MILR1: variants seen among roughly 807,000 people sequenced by gnomAD.
The protein encoded by MILR1 is allergin-1.
MILR1 carries 31 observed loss-of-function variants against 18.5 expected under a neutral mutation model. The observed-to-expected ratio is 1.68, with a 90% CI of 1.26 to 2.26. The LOEUF (loss-of-function observed/expected upper bound fraction) is 2.26. Among genes scored for constraint, MILR1 ranks in the 30% most tolerant of loss-of-function variants. The pLI is 0.00. For missense variants in MILR1, 257 were observed against 157.4 expected (o/e 1.63, Z -3.38); for synonymous variants, 85 against 56.2 (o/e 1.51, Z -2.30).
chr17:64,491,645 T>C, the MILR1 span: 2 of 1,440,708 alleles, frequency 1.4e-6, no homozygotes, highest in South Asian at 1.1e-5. Context: ...TTCAAAGAGG[T>C]TACTACTGGT....
At chr17:64,477,986 T>C in the MILR1 span, 68 of 1,613,600 alleles carry the variant, frequency 4.2e-5, no homozygotes, top group Non-Finnish European at 5.5e-5. Flanking sequence ...CATTTCATCA[T>C]ACCTAAGAAA....
At chr17:64,452,528 C>G (rs2037197452) in intron 2 of MILR1, 69 bp from the exon 3 acceptor site, 4 of 411,744 alleles carry the variant, frequency 9.7e-6, no homozygotes, top group Non-Finnish European at 1.8e-5. Context: ...GCTGGGATTA[C>G]AGGCGTGAAC....
chr17:64,494,579 C>T, the MILR1 span, among the ~76,000 whole-genome samples: 1 of 151,990 alleles, frequency 6.6e-6, no homozygotes, highest in Non-Finnish European at 1.5e-5. Flanking sequence ...CTACCTCTTC[C>T]CCCCGCCCCC....
intron 3 of MILR1, among the ~76,000 whole-genome samples, chr17:64,453,809 T>C (rs1436875516): frequency 6.6e-6 from 1 of 152,208 alleles, no homozygotes; most frequent in Non-Finnish European, 1.5e-5. Flanking sequence ...ATGTATGTTA[T>C]ACCTGGAGTC....
intron 2 of MILR1, among the ~76,000 whole-genome samples, chr17:64,449,656 C>T (rs1361000731): frequency 5.9e-5 from 9 of 152,056 alleles, no homozygotes; most frequent in African/African-American, 1.7e-4. Context: ...AACACACAGG[C>T]TGGGTGTGGT....
the MILR1 span, chr17:64,496,971 C>G: frequency 1.2e-6 from 2 of 1,603,762 alleles, no homozygotes; most frequent in African/African-American, 2.7e-5. Flanking sequence ...GAGCGCATCT[C>G]TCTCCGAAGT....
intron 7 of MILR1, 30 bp downstream of exon 7, chr17:64,466,528 T>C (rs782750169): frequency 1.1e-5 from 17 of 1,612,656 alleles, no homozygotes; most frequent in Non-Finnish European, 1.4e-5. Flanking sequence ...TCTATTCCAC[T>C]GCCCTCATGC....
At chr17:64,466,539 G>C in intron 7 of MILR1, 41 bp downstream of exon 7, 3 of 1,611,812 alleles carry the variant, frequency 1.9e-6, no homozygotes, top group Non-Finnish European at 2.5e-6. Context: ...GCCCTCATGC[G>C]CTTAGAAATT....
the MILR1 span, among the ~76,000 whole-genome samples, chr17:64,476,342 T>C: frequency 6.6e-6 from 1 of 152,154 alleles, no homozygotes; most frequent in Non-Finnish European, 1.5e-5. Context: ...AAAAGATCCT[T>C]AAATATTTCC....
the MILR1 span, among the ~76,000 whole-genome samples, chr17:64,479,642 G>A: frequency 6.6e-6 from 1 of 152,196 alleles, no homozygotes; most frequent in Non-Finnish European, 1.5e-5. Context: ...AGCATGGGGT[G>A]AGACTAGACA....
chr17:64,496,867 C>T, the MILR1 span: 3 of 1,613,750 alleles, frequency 1.9e-6, no homozygotes, highest in South Asian at 1.1e-5. Context: ...TACTCCTTTC[C>T]GTCAACAGCT....
chr17:64,488,482 A>T, the MILR1 span, among the ~76,000 whole-genome samples: 1 of 150,800 alleles, frequency 6.6e-6, no homozygotes, highest in African/African-American at 2.4e-5. Flanking sequence ...GCAGGAGAAC[A>T]GCTTGAGCCC....
the MILR1 span, chr17:64,477,852 T>A: frequency 1.9e-6 from 3 of 1,607,664 alleles, no homozygotes; most frequent in Non-Finnish European, 2.5e-6. Flanking sequence ...GATATATACT[T>A]AATCAAAAAG....
intron 5 of MILR1, among the ~76,000 whole-genome samples, chr17:64,461,756 C>G (rs1033512052): frequency 6.6e-6 from 1 of 152,144 alleles, no homozygotes; most frequent in Non-Finnish European, 1.5e-5. Flanking sequence ...GTCCCCATTA[C>G]ACACTAGCTC....
the MILR1 span, among the ~76,000 whole-genome samples, chr17:64,488,191 C>T: frequency 6.6e-6 from 1 of 151,988 alleles, no homozygotes; most frequent in Non-Finnish European, 1.5e-5. Context: ...CAGCGAGACC[C>T]CATCTCTATT....
the MILR1 span, among the ~76,000 whole-genome samples, chr17:64,474,060 TATTTTTC>T: frequency 1.3e-5 from 2 of 152,156 alleles, no homozygotes; most frequent in Admixed American, 1.3e-4. Context: ...ACTCATAATT[TATTTTTC>T]ATTTGTTATT....
At chr17:64,497,281 G>T in the MILR1 span, among the ~76,000 whole-genome samples, 1 of 152,242 alleles carries the variant, frequency 6.6e-6, no homozygotes, top group Non-Finnish European at 1.5e-5. Flanking sequence ...TATAACCGTG[G>T]TGTAGCCACT....
chr17:64,479,050 G>C, the MILR1 span, among the ~76,000 whole-genome samples: 9,972 of 152,120 alleles, frequency 0.066, 444 homozygotes, highest in Admixed American at 0.15. Context: ...TGTCCACATG[G>C]CTCAAAGGAT....
chr17:64,465,630 G>A, intron 6 of MILR1, 89 bp downstream of exon 6: 2 of 1,399,484 alleles, frequency 1.4e-6, no homozygotes, highest in Non-Finnish European at 2.0e-6. Flanking sequence ...GGAGTGGGGG[G>A]TGGAGCAAAA....
Sources: allele counts gnomAD v4.1 joint callset (sites outside exome capture counted in the v4.1 genomes callset), GRCh38; gene constraint gnomAD v4.1.1; transcripts MANE v1.5; gene names NCBI Gene and HGNC (gene_info 2026-07-23, HGNC 2026-07-21).